PPP1R1C: variants seen among roughly 807,000 people sequenced by gnomAD.
PPP1R1C encodes protein phosphatase 1 regulatory subunit 1C.
PPP1R1C carries 15 observed loss-of-function variants against 17.4 expected under a neutral mutation model. That is an observed-to-expected ratio of 0.86 (90% CI 0.58 to 1.33). The LOEUF (loss-of-function observed/expected upper bound fraction) is 1.33, where lower values mean the gene tolerates loss of function less well. Ranked by LOEUF, PPP1R1C falls within the 40% of genes most tolerant of loss-of-function variation. The pLI, the probability that PPP1R1C is intolerant of heterozygous loss-of-function variation, is 0.00. For synonymous variants in PPP1R1C, 35 were observed against 43.1 expected (o/e 0.81, Z 0.73); for missense variants, 143 against 130.0 (o/e 1.10, Z -0.48).
intron 2 of PPP1R1C, among the ~76,000 whole-genome samples, chr2:182,047,004 T>C (rs1402771908): frequency 6.6e-6 from 1 of 152,154 alleles, no homozygotes; most frequent in Non-Finnish European, 1.5e-5. Flanking sequence ...GAGAACTAAA[T>C]ATTTCAAATA....
chr2:182,124,491 A>G (rs1167210673), intron 5 of PPP1R1C, among the ~76,000 whole-genome samples: 2 of 151,592 alleles, frequency 1.3e-5, no homozygotes, highest in African/African-American at 2.4e-5. Context: ...TTTGGGCAGT[A>G]TGGCCATTTT....
chr2:182,019,548 G>A (rs147022822), intron 2 of PPP1R1C, among the ~76,000 whole-genome samples: 32 of 152,218 alleles, frequency 2.1e-4, no homozygotes, highest in African/African-American at 4.6e-4. Context: ...CTTTAGAAGC[G>A]TCCCAAAATA....
intron 1 of PPP1R1C, among the ~76,000 whole-genome samples, chr2:181,974,720 G>A (rs1353710220): frequency 6.6e-6 from 1 of 152,198 alleles, no homozygotes; most frequent in African/African-American, 2.4e-5. Flanking sequence ...AGTCACTTGG[G>A]GTTGGAAGAC....
At chr2:181,998,741 C>A (rs1190250646) in intron 2 of PPP1R1C, among the ~76,000 whole-genome samples, 1 of 152,154 alleles carries the variant, frequency 6.6e-6, no homozygotes, top group Non-Finnish European at 1.5e-5. Flanking sequence ...TTTCAAAATG[C>A]GTAAAGATTT....
downstream of PPP1R1C, among the ~76,000 whole-genome samples, chr2:182,119,022 T>G (rs1459637889): frequency 1.3e-5 from 2 of 152,070 alleles, no homozygotes. Flanking sequence ...TCATTTAACA[T>G]TAGGTATATC....
chr2:182,079,061 G>A (rs1205666981), intron 4 of PPP1R1C, among the ~76,000 whole-genome samples: 1 of 152,176 alleles, frequency 6.6e-6, no homozygotes, highest in Non-Finnish European at 1.5e-5. Context: ...TTGATATGGA[G>A]ACAAGATCAG....
intron 2 of PPP1R1C, among the ~76,000 whole-genome samples, chr2:182,011,481 TTTTA>T (rs1201351354): frequency 6.6e-6 from 1 of 152,088 alleles, no homozygotes; most frequent in African/African-American, 2.4e-5. Context: ...TTGTCTCTTA[TTTTA>T]TTTATTTGAA....
chr2:182,006,125 G>A (rs1340692465), intron 2 of PPP1R1C, among the ~76,000 whole-genome samples: 1 of 152,054 alleles, frequency 6.6e-6, no homozygotes, highest in African/African-American at 2.4e-5. Flanking sequence ...TATGAATTGA[G>A]GGATGAAGGG....
At chr2:182,011,716 T>C (rs1462987848) in intron 2 of PPP1R1C, among the ~76,000 whole-genome samples, 2 of 152,116 alleles carry the variant, frequency 1.3e-5, no homozygotes, top group African/African-American at 4.8e-5. Context: ...AGGTTGGTTA[T>C]TTGAAGTTCT....
At chr2:182,009,878 A>G (rs12999069) in intron 2 of PPP1R1C, among the ~76,000 whole-genome samples, 56,457 of 151,832 alleles carry the variant, frequency 0.37, 11,162 homozygotes, top group Non-Finnish European at 0.42. Context: ...TATTAAAGAG[A>G]CTGTCCTTCC....
chr2:182,050,843 G>A (rs1273035724), intron 2 of PPP1R1C, among the ~76,000 whole-genome samples: 1 of 152,132 alleles, frequency 6.6e-6, no homozygotes, highest in East Asian at 1.9e-4. Context: ...ATTAATCTCA[G>A]TGTACTCTGC....
intron 1 of PPP1R1C, among the ~76,000 whole-genome samples, chr2:181,973,904 G>A (rs1574346138): frequency 6.6e-6 from 1 of 152,030 alleles, no homozygotes; most frequent in African/African-American, 2.4e-5. Context: ...TGAAAAGGTT[G>A]TCTAATCAAT....
intron 2 of PPP1R1C, among the ~76,000 whole-genome samples, chr2:182,028,376 G>A (rs1289759675): frequency 6.7e-6 from 1 of 150,302 alleles, no homozygotes; most frequent in Non-Finnish European, 1.5e-5. Flanking sequence ...TCTACACACT[G>A]CTTTGAATGC....
chr2:181,998,427 G>A (rs1019044235), intron 2 of PPP1R1C, among the ~76,000 whole-genome samples: 2 of 152,196 alleles, frequency 1.3e-5, no homozygotes, highest in African/African-American at 2.4e-5. Context: ...CTTGTAATTA[G>A]TTAAGATAAG....
At chr2:182,088,471 T>C (rs981348908) in intron 4 of PPP1R1C, among the ~76,000 whole-genome samples, 1 of 152,224 alleles carries the variant, frequency 6.6e-6, no homozygotes. Flanking sequence ...AAGAGGTTTG[T>C]TGATGCTCAT....
chr2:182,117,417 TAC>T lies in PPP1R1C; in HGVS notation c.*124_*125del. On this transcript the variant is annotated 3_prime_UTR_variant, in exon 5 of 5. Coordinates refer to ENST00000682840, the MANE Select transcript of PPP1R1C (RefSeq NM_001080545.3). ...CCTCCATCTCTGCACCCCACACTCA[TAC>T]AGTAGCTATGCACATCCTGGAAGTC... The T allele has an allele frequency of 1.5e-6, 1 of 664,790 alleles. No individual in the cohort carries two copies. The highest frequency in any genetic ancestry group is 2.6e-6 in the Non-Finnish European group (1 of 385,722). The allele number at this position is 664,790 out of a possible 1,614,324, so 41.2% of individuals were successfully genotyped here.
intron 2 of PPP1R1C, among the ~76,000 whole-genome samples, chr2:182,051,104 G>T (rs1286556317): frequency 1.3e-5 from 2 of 152,206 alleles, no homozygotes; most frequent in Admixed American, 6.5e-5. Flanking sequence ...GATGGAGAAA[G>T]GTGCGGTATT....
At chr2:181,980,478 G>C (rs1162806769) in intron 2 of PPP1R1C, among the ~76,000 whole-genome samples, 1 of 152,190 alleles carries the variant, frequency 6.6e-6, no homozygotes. Context: ...ACACTGGGCT[G>C]TGATTGACTG....
chr2:182,020,933 C>A (rs906035657), intron 2 of PPP1R1C, among the ~76,000 whole-genome samples: 1 of 152,182 alleles, frequency 6.6e-6, no homozygotes, highest in Admixed American at 6.5e-5. Context: ...TCCAAATACA[C>A]TTGTCTGTGC....
Sources: gnomAD v4.1 joint callset for allele counts (sites outside exome capture counted in the v4.1 genomes callset) on GRCh38, gnomAD v4.1.1 for gene constraint, MANE v1.5 for transcripts, NCBI Gene and HGNC (gene_info 2026-07-23, HGNC 2026-07-21) for gene names.